The following PTPN2 variants were observed in gnomAD, a reference collection of about 807,000 sequenced individuals.
The protein encoded by PTPN2 is protein tyrosine phosphatase non-receptor type 2.
PTPN2 carries 19 observed loss-of-function variants against 57.3 expected under a neutral mutation model. The ratio of observed to expected loss-of-function variants is 0.33; its 90% CI spans 0.23 to 0.49. The LOEUF is 0.49. PTPN2 is among the 20% of genes least tolerant of loss of function. PTPN2 has a pLI of 0.99. For missense variants in PTPN2, 358 were observed against 501.1 expected, an observed-to-expected ratio of 0.71 and a Z score of 2.73; for synonymous variants, 153 against 164.9, an observed-to-expected ratio of 0.93 and a Z score of 0.55.
chr18:12,821,348 T>C (rs2042263647), intron 5 of PTPN2: 1 of 152,240 alleles, frequency 6.6e-6, no homozygotes, highest in Admixed American at 6.5e-5. Flanking sequence ...ATTGCCTTTA[T>C]TGTGGCCCCT....
chr18:12,844,726 T>C (rs2043158418), intron 2 of PTPN2, among the ~76,000 whole-genome samples: 1 of 152,234 alleles, frequency 6.6e-6, no homozygotes, highest in Non-Finnish European at 1.5e-5. Context: ...TAACAGGGTG[T>C]TTTGAGGAGC....
intron 2 of PTPN2, chr18:12,840,911 C>T (rs982056440): frequency 1.6e-5 from 25 of 1,534,542 alleles, no homozygotes; most frequent in African/African-American, 5.4e-5. Context: ...TCTAACTAGA[C>T]GCTCTGATGG....
intron 1 of PTPN2, among the ~76,000 whole-genome samples, chr18:12,877,572 C>G (rs753119837): frequency 4.6e-5 from 7 of 152,172 alleles, no homozygotes; most frequent in Non-Finnish European, 4.4e-5. Flanking sequence ...TAGAATAAGA[C>G]AGCTTTGATT....
At chr18:12,791,377 T>C (rs2040980315), downstream of PTPN2, among the ~76,000 whole-genome samples, 1 of 152,222 alleles carries the variant, frequency 6.6e-6, no homozygotes. Flanking sequence ...AGTATATATC[T>C]GACTCTTAAA....
In PTPN2 at chr18:12,851,680, A is replaced by G. The variant is rs536877131; in HGVS notation, c.160+7484T>C. Among the ~76,000 whole-genome samples the G allele has an allele frequency of 2.0e-5, 3 of 152,322 alleles. No homozygotes were observed. The South Asian group carries it at 6.2e-4, about 32-fold the overall frequency. ...TCTCAGAGCTGATACTGACATCTGC[A>G]TTCAAAGTAGTTATGCCATTTGCTA... On this transcript the variant is annotated intron_variant, in intron 2 of 8. Transcript: ENST00000309660.
intron 7 of PTPN2, among the ~76,000 whole-genome samples, chr18:12,807,582 A>T (rs867870082): frequency 0.14 from 8,348 of 61,230 alleles, 747 homozygotes; most frequent in Non-Finnish European, 0.21. Context: ...AAAAAAAAAA[A>T]AAAAATATAT....
chr18:12,805,639 C>CTTT (rs755422217), intron 7 of PTPN2, among the ~76,000 whole-genome samples: 24 of 114,134 alleles, frequency 2.1e-4, no homozygotes, highest in African/African-American at 6.4e-4. Context: ...TGCCTCCTTT[C>CTTT]TTTTTTTTTT....
intron 1 of PTPN2, among the ~76,000 whole-genome samples, chr18:12,874,525 G>T: frequency 1.1e-5 from 1 of 92,592 alleles, no homozygotes; most frequent in Non-Finnish European, 2.3e-5. Context: ...CCCCGTCCGG[G>T]AGGAAGGTGG....
intron 2 of PTPN2, among the ~76,000 whole-genome samples, chr18:12,848,030 T>C (rs892977022): frequency 1.3e-4 from 20 of 152,004 alleles, no homozygotes; most frequent in Non-Finnish European, 2.4e-4. Context: ...TACACTGACA[T>C]CTGGTCTTTA....
Position 12,794,273 on chromosome 18 carries a change from A to C in PTPN2, c.*5T>G. 1 of 1,614,038 alleles carries C rather than the reference A, an allele frequency of 6.2e-7. No homozygotes were observed. Among genetic ancestry groups the C allele is most frequent in the Non-Finnish European group, 8.5e-7 (1 of 1,179,938 alleles). ...TGCAGAAGCTTGCTGGGCAAAATTA[A>C]TTGTTTATAGGGCATTTTGCTGAAA... On this transcript the variant is annotated 3_prime_UTR_variant, in exon 9 of 9. Transcript: ENST00000309660.
At chr18:12,878,436 G>A (rs1055684418) in intron 1 of PTPN2, among the ~76,000 whole-genome samples, 5 of 152,156 alleles carry the variant, frequency 3.3e-5, no homozygotes, top group East Asian at 1.9e-4. Flanking sequence ...TTGGGAGGCC[G>A]AGGCAGGTGG....
chr18:12,850,968 G>A (rs2043374768), intron 2 of PTPN2, among the ~76,000 whole-genome samples: 1 of 152,018 alleles, frequency 6.6e-6, no homozygotes, highest in African/African-American at 2.4e-5. Flanking sequence ...TCAAACTCCC[G>A]ACCTCAGGTG....
At chr18:12,795,100 C>G (rs1050730057) in intron 8 of PTPN2, among the ~76,000 whole-genome samples, 21 of 152,168 alleles carry the variant, frequency 1.4e-4, no homozygotes, top group African/African-American at 4.6e-4. Context: ...TCAGCAGGAG[C>G]AGGAGTGGGA....
intron 2 of PTPN2, among the ~76,000 whole-genome samples, chr18:12,858,770 T>C (rs1249915879): frequency 2.6e-5 from 4 of 152,124 alleles, no homozygotes; most frequent in Non-Finnish European, 5.9e-5. Flanking sequence ...CTCTTATAAC[T>C]TGGGGAAGGA....
At chr18:12,827,969 T>C (rs2042537681) in intron 4 of PTPN2, among the ~76,000 whole-genome samples, 1 of 151,998 alleles carries the variant, frequency 6.6e-6, no homozygotes, top group African/African-American at 2.4e-5. Flanking sequence ...GAATGGCCAA[T>C]TACTAAGACA....
chr18:12,870,457 ATATATAG>A (rs1378079307), intron 1 of PTPN2, among the ~76,000 whole-genome samples: 1 of 63,566 alleles, frequency 1.6e-5, no homozygotes, highest in Non-Finnish European at 2.6e-5. Flanking sequence ...ATATATATAT[ATATATAG>A]AGAGAGAGAG....
chr18:12,875,773 G>A (rs1183969990), intron 1 of PTPN2, among the ~76,000 whole-genome samples: 1 of 152,182 alleles, frequency 6.6e-6, no homozygotes, highest in Non-Finnish European at 1.5e-5. Context: ...GAGACCAAAG[G>A]GAAGAAGGGG....
intron 2 of PTPN2, among the ~76,000 whole-genome samples, chr18:12,849,091 T>C (rs2043305939): frequency 6.6e-6 from 1 of 152,238 alleles, no homozygotes; most frequent in African/African-American, 2.4e-5. Context: ...GCTTTCATCA[T>C]GTCATCATTA....
At chr18:12,857,222 C>T (rs2043622510) in intron 2 of PTPN2, among the ~76,000 whole-genome samples, 2 of 152,054 alleles carry the variant, frequency 1.3e-5, no homozygotes, top group Non-Finnish European at 1.5e-5. Context: ...GAGACTGTGG[C>T]CCCAGAAAGG....
Sources: allele counts gnomAD v4.1 joint callset (sites outside exome capture counted in the v4.1 genomes callset), GRCh38; gene constraint gnomAD v4.1.1; transcripts MANE v1.5; gene names NCBI Gene and HGNC (gene_info 2026-07-23, HGNC 2026-07-21).